HMCN2: variants seen among roughly 807,000 people sequenced by gnomAD.
HMCN2 encodes the protein hemicentin 2.
A neutral mutation model predicts 377.5 loss-of-function variants in HMCN2; 325 were observed. That is an observed-to-expected ratio of 0.86 (90% CI 0.79 to 0.94). The LOEUF (loss-of-function observed/expected upper bound fraction) is 0.94, where lower values mean the gene tolerates loss of function less well. HMCN2 is among the 40% of genes least tolerant of loss of function. The probability of loss-of-function intolerance (pLI) is 0.00; values close to 1 mark genes in which losing one functional copy is unlikely to be tolerated. For synonymous variants in HMCN2, 2,007 were observed against 2,046.8 expected (o/e 0.98, Z 0.53); for missense variants, 4,543 against 4,725.3 (o/e 0.96, Z 1.13).
chr9:130,278,709 A>G (rs1554924438), intron 1 of HMCN2, among the ~76,000 whole-genome samples: 1 of 151,612 alleles, frequency 6.6e-6, no homozygotes, highest in East Asian at 1.9e-4. Context: ...CAGCCTCCCA[A>G]GTAGCTGGGA....
Position 130,423,915 on chromosome 9 carries a change from C to T in HMCN2, c.13382-861C>T, listed in dbSNP as rs554554176. Among the ~76,000 whole-genome samples the T allele has an allele frequency of 6.6e-5, 10 of 152,200 alleles. No homozygotes were observed. The highest frequency in any genetic ancestry group is 1.9e-4 in the East Asian group (1 of 5,184). Reference sequence around the variant, plus strand: ...TGGAGTCCCTGGCTCCGTGGTGACCCGGGGCCCTCAATCGGTATTTGTTGA... The same window carrying T: ...TGGAGTCCCTGGCTCCGTGGTGACCTGGGGCCCTCAATCGGTATTTGTTGA... On this transcript the variant is annotated intron_variant, in intron 87 of 97. Transcript: ENST00000683500. This position sits in a 1 kb window ranked among gnomAD's most constrained non-coding sequence, Gnocchi z 5.5.
Position 130,383,509 on chromosome 9 carries a change from C to T in HMCN2, c.8739C>T (p.Ser2913=), listed in dbSNP as rs1042189590. ...VLEDGQVLQV[S]TAEVADAASY... Reference sequence around the variant, plus strand: ...ATGGCTCCCTGCACCCACAGGTTTCCACGGCAGAGGTGGCCGACGCCGCCA... The same window carrying T: ...ATGGCTCCCTGCACCCACAGGTTTCTACGGCAGAGGTGGCCGACGCCGCCA... The change falls in exon 57 of 98, where the codon TCC becomes TCT. Residue 2913 remains serine, a synonymous_variant. Transcript: ENST00000683500. 7.1e-6 allele frequency: 7 copies of T among 985,962 alleles called. No homozygotes were observed. Among genetic ancestry groups the T allele is most frequent in the Admixed American group, 6.1e-5 (1 of 16,276 alleles). The allele number at this position is 985,962 out of a possible 1,614,324, so 61.1% of individuals were successfully genotyped here. A position where few individuals can be genotyped will look rare whatever the true frequency, so the allele number is the denominator to read the frequency against.
At chr9:130,294,239 T>C (rs545770385) in intron 4 of HMCN2, among the ~76,000 whole-genome samples, 24 of 152,312 alleles carry the variant, frequency 1.6e-4, no homozygotes, top group Non-Finnish European at 2.9e-4. Flanking sequence ...GGTCCTTACC[T>C]TTTATCTGAT....
At chr9:130,402,662 CTGTT>C (rs1450583009) in intron 77 of HMCN2, 123 bp from the exon 78 acceptor site, 5 of 461,104 alleles carry the variant, frequency 1.1e-5, no homozygotes, top group Non-Finnish European at 1.9e-5. Flanking sequence ...ATCCCCCAGA[CTGTT>C]TGTAAATGGG....
Position 130,433,481 on chromosome 9 carries a change from G to T in HMCN2, c.15028G>T (p.Gly5010Cys), listed in dbSNP as rs1418201511. 1.3e-6 allele frequency: 2 copies of T among 1,499,092 alleles called. No individual in the cohort carries two copies. The highest frequency in any genetic ancestry group is 1.8e-6 in the Non-Finnish European group (2 of 1,132,004). 92.9% of individuals were successfully genotyped at this position (1,499,092 alleles called of 1,614,324 possible). Residue 5010 changes from glycine to cysteine, a missense_variant, in exon 98 of 98, where the codon GGC becomes TGC. By Grantham distance (159) the Gly-to-Cys change is radical. This residue lies in a region of HMCN2 where 1,155 missense variants were observed against 1,157.7 expected (regional missense o/e 1.00). Coordinates refer to ENST00000683500, the MANE Select transcript of HMCN2 (RefSeq NM_001291815.2). ...VARLTAFSEV[G>C]VPANRTELSM... ...CCGCCTCACCGCCTTCTCCGAGGTC[G>T]GCGTCCCCGCCAACCGCACCGAGCT...
At position 130,362,121 on chromosome 9, in the gene HMCN2, A is replaced by C. The variant is rs1459829384; in HGVS notation, c.6064A>C (p.Lys2022Gln). 1.0e-6 allele frequency: 1 copy of C among 985,836 alleles called. No individual in the cohort carries two copies. Among genetic ancestry groups the C allele is most frequent in the Admixed American group, 6.1e-5 (1 of 16,272 alleles). The allele number at this position is 985,836 out of a possible 1,614,324, so 61.1% of individuals were successfully genotyped here. The change falls in exon 39 of 98, where the codon AAG (lysine) becomes CAG (glutamine). Residue 2022 changes from lysine to glutamine, a missense_variant. This residue lies in a region of HMCN2 where 1,032 missense variants were observed against 1,285.1 expected (regional missense o/e 0.80). Coordinates refer to ENST00000683500, the MANE Select transcript of HMCN2 (RefSeq NM_001291815.2). ...GAPSPTLMWLKDGNPVSPAGT... is the reference protein window; with the variant it reads ...GAPSPTLMWLQDGNPVSPAGT... ...CCCCAGCCCCACACTGATGTGGCTG[A>C]AGGATGGAAACCCTGTGTCCCCTGC...
At chr9:130,426,458 C>T (rs1844373054) in intron 90 of HMCN2, among the ~76,000 whole-genome samples, 1 of 152,266 alleles carries the variant, frequency 6.6e-6, no homozygotes, top group African/African-American at 2.4e-5. Flanking sequence ...ATCCGAGGTA[C>T]ACCACTTTCT....
intron 43 of HMCN2, 48 bp from the exon 44 acceptor site, chr9:130,368,228 G>C (rs7029167): frequency 0.49 from 476,017 of 978,436 alleles, 117,622 homozygotes; most frequent in Non-Finnish European, 0.5. Flanking sequence ...AAGACATCAC[G>C]TCCTTGCAAA....
In HMCN2 at chr9:130,325,690, A is replaced by T. The variant is rs1441890137; in HGVS notation, c.3016A>T (p.Thr1006Ser). The T allele has an allele frequency of 1.3e-5, 2 of 152,198 alleles. No homozygotes were observed. Among genetic ancestry groups the T allele is most frequent in the African/African-American group, 2.4e-5 (1 of 41,432 alleles). The allele number at this position is 152,198 out of a possible 1,614,324, so 9.4% of individuals were successfully genotyped here. A position where few individuals can be genotyped will look rare whatever the true frequency, so the allele number is the denominator to read the frequency against. Residue 1006 changes from threonine to serine, a missense_variant, in exon 20 of 98, where the codon ACC becomes TCC. Thr to Ser is a moderately conservative substitution (Grantham distance 58). Coordinates refer to ENST00000683500, the MANE Select transcript of HMCN2 (RefSeq NM_001291815.2). The stretch of plus-strand genomic sequence containing the variant: ...CGTCGCTTCAGGAGTTCCCGCCCCC[A>T]CCATCACGTGGACCAAGGTAAGCAG... ...PCVASGVPAP[T>S]ITWTKETNAL...
chr9:130,295,003 A>C lies in HMCN2; in HGVS notation c.761A>C (p.Glu254Ala), dbSNP rs1043079418. 2 of 470,092 alleles carry C rather than the reference A, an allele frequency of 4.3e-6. No individual in the cohort carries two copies. The highest frequency in any genetic ancestry group is 8.8e-6 in the Non-Finnish European group (2 of 226,614). The allele number at this position is 470,092 out of a possible 1,614,324, so 29.1% of individuals were successfully genotyped here. The change falls in exon 5 of 98, where the codon GAG becomes GCG. Residue 254 changes from glutamate to alanine, a missense_variant. Around this residue, in one of 5 missense-constraint regions of HMCN2, gnomAD observed 547 missense variants for 189.9 expected, o/e 2.88. Coordinates refer to ENST00000683500, the MANE Select transcript of HMCN2 (RefSeq NM_001291815.2). ...VTISLSGPGP[E>A]IEVQDPLGRI... The stretch of plus-strand genomic sequence containing the variant: ...ATCTCATTGAGTGGGCCAGGGCCTG[A>C]GATTGAAGTCCAAGATCCGCTGGGT...
intron 4 of HMCN2, among the ~76,000 whole-genome samples, chr9:130,292,725 G>T (rs1835854083): frequency 6.6e-6 from 1 of 152,176 alleles, no homozygotes; most frequent in South Asian, 2.1e-4. Context: ...GCTCCTTCAA[G>T]CTGGTTCCTA....
intron 7 of HMCN2, among the ~76,000 whole-genome samples, 154 bp from the exon 8 acceptor site, chr9:130,298,871 T>G (rs1421138373): frequency 6.6e-6 from 1 of 152,026 alleles, no homozygotes; most frequent in Non-Finnish European, 1.5e-5. Context: ...ACCCCCAGCG[T>G]TGGTCAGCAC....
chr9:130,282,572 G>A (rs568146737), intron 1 of HMCN2, among the ~76,000 whole-genome samples: 9 of 152,298 alleles, frequency 5.9e-5, no homozygotes, highest in Admixed American at 2.0e-4. Flanking sequence ...AGGGTGGGAC[G>A]AGACGGATAA....
intron 95 of HMCN2, chr9:130,431,051 A>T: frequency 2.0e-6 from 1 of 489,230 alleles, no homozygotes; most frequent in Admixed American, 3.6e-5. Flanking sequence ...CCCTGCAGAG[A>T]GGGACAAAGA....
At position 130,343,481 on chromosome 9, in the gene HMCN2, G is replaced by C. The variant is rs902236858; in HGVS notation, c.3829+1045G>C. On this transcript the variant is annotated intron_variant, in intron 25 of 97. Transcript: ENST00000683500. ...GAGGACCTGGGTGGGAGCTCTGGGA[G>C]CCCCTCTGGATCCCCAGGTGCAGAG... 5.1e-4 allele frequency among the ~76,000 whole-genome samples: 77 copies of C among 152,300 alleles called. 1 individual carries two copies. Among genetic ancestry groups the C allele is most frequent in the African/African-American group, 1.6e-3 (68 of 41,568 alleles).
At position 130,296,799 on chromosome 9, in the gene HMCN2, AG is replaced by A; in HGVS notation, c.1012+6del. The A allele has an allele frequency of 2.1e-6, 1 of 471,112 alleles. No individual in the cohort carries two copies. The allele number at this position is 471,112 out of a possible 1,614,324, so 29.2% of individuals were successfully genotyped here. On this transcript the variant is annotated splice_donor_region_variant and intron_variant, in intron 7 of 97. Transcript: ENST00000683500. ...CCCTCGAGTGGCCCTTGCAAGGTAC[AG>A]TACCCCGACCCTACAGACAGTGCTG...
At position 130,392,868 on chromosome 9, in the gene HMCN2, C is replaced by T. The variant is rs552879111; in HGVS notation, c.10137-344C>T. ...AAAATTAGCCGGGCCTGGTGGCGGG[C>T]GCCTGTAGTCCCAGCTACTCGGGAG... On this transcript the variant is annotated intron_variant, in intron 66 of 97. Transcript: ENST00000683500. Among the ~76,000 whole-genome samples, 77 of 151,862 alleles carry T rather than the reference C, an allele frequency of 5.1e-4. 1 individual carries two copies. Among genetic ancestry groups the T allele is most frequent in the South Asian group, 1.3e-3 (6 of 4,788 alleles).
At position 130,334,445 on chromosome 9, in the gene HMCN2, G is replaced by T. The variant is rs950622583; in HGVS notation, c.3360-3449G>T. ...AATGGATTCCCCCATTTCTTCCTTGGTGATGTAGCAAGCAGAATCCTCCTT... is the reference window on the plus strand; with the variant it reads ...AATGGATTCCCCCATTTCTTCCTTGTTGATGTAGCAAGCAGAATCCTCCTT... On this transcript the variant is annotated intron_variant, in intron 22 of 97. Transcript: ENST00000683500. 5.3e-4 allele frequency among the ~76,000 whole-genome samples: 80 copies of T among 152,056 alleles called. 2 individuals are homozygous for T. The highest frequency in any genetic ancestry group is 1.8e-3 in the African/African-American group (76 of 41,480).
chr9:130,342,756 C>T (rs1839126866), intron 25 of HMCN2, among the ~76,000 whole-genome samples: 1 of 152,148 alleles, frequency 6.6e-6, no homozygotes, highest in African/African-American at 2.4e-5. Context: ...GTGTGATCGC[C>T]AGGGCTGAGG....
Sources: gnomAD v4.1 joint callset for allele counts (sites outside exome capture counted in the v4.1 genomes callset) on GRCh38, gnomAD v4.1.1 for gene constraint, gnomAD v4.1.1 regional missense constraint, Gnocchi (gnomAD v3.1) non-coding constraint, MANE v1.5 for transcripts, NCBI Gene and HGNC (gene_info 2026-07-23, HGNC 2026-07-21) for gene names.